The following RELT variants were observed in gnomAD, a reference collection of about 807,000 sequenced individuals.
RELT encodes the protein RELT TNF receptor.
Under a neutral mutation model 51.1 loss-of-function variants are expected in RELT, and 37 were observed. That is an observed-to-expected ratio of 0.72 (90% CI 0.56 to 0.95). The LOEUF is 0.95. RELT is among the 40% of genes least tolerant of loss of function. RELT has a pLI of 0.00. For missense variants in RELT, 535 were observed against 572.6 expected (o/e 0.93, Z 0.67); for synonymous variants, 241 against 235.7 (o/e 1.02, Z -0.21).
intron 1 of RELT, among the ~76,000 whole-genome samples, chr11:73,381,505 A>T (rs912619415): frequency 1.3e-5 from 2 of 151,914 alleles, no homozygotes; most frequent in Non-Finnish European, 2.9e-5. Context: ...CTGAAAACTG[A>T]TGGCAGGGGT....
Position 73,390,890 on chromosome 11 carries a change from C to A in RELT, c.256C>A (p.Arg86=). The A allele has an allele frequency of 6.2e-7, 1 of 1,613,390 alleles. No homozygotes were observed. The highest frequency in any genetic ancestry group is 8.5e-7 in the Non-Finnish European group (1 of 1,179,874). ...GGAGGCCCAGGTGGGCATGGCAACT[C>A]GAGATACACTCTGTGGAGACTGCTG... ...RLEAQVGMAT[R]DTLCGDCWPG... Residue 86 remains arginine (R), a synonymous_variant, in exon 4 of 11, where the codon CGA becomes AGA. Transcript: ENST00000064780.
chr11:73,391,362 A>G (rs1866212416), intron 5 of RELT, 139 bp downstream of exon 5: 1 of 753,618 alleles, frequency 1.3e-6, no homozygotes, highest in Non-Finnish European at 2.2e-6. Flanking sequence ...CGTGCAGCCA[A>G]AGGGTCTCCA....
At chr11:73,387,666 T>C (rs1009722311) in intron 1 of RELT, among the ~76,000 whole-genome samples, 12 of 152,134 alleles carry the variant, frequency 7.9e-5, no homozygotes, top group Admixed American at 2.0e-4. Context: ...CTCCCTCCCC[T>C]GAGTGTAACT....
At chr11:73,380,504 A>G (rs944912290) in intron 1 of RELT, among the ~76,000 whole-genome samples, 2 of 151,986 alleles carry the variant, frequency 1.3e-5, no homozygotes, top group African/African-American at 2.4e-5. Flanking sequence ...CTCCTTTCCA[A>G]GTTGGTATGG....
chr11:73,385,344 A>T (rs148106264), intron 1 of RELT, among the ~76,000 whole-genome samples: 1 of 152,026 alleles, frequency 6.6e-6, no homozygotes, highest in East Asian at 1.9e-4. Context: ...TCCAGGCTGC[A>T]CCTCCCTGGG....
chr11:73,395,513 A>G lies in RELT; in HGVS notation c.*22A>G. ...CTGAGGGGCGGTCTAGTCTAAGGAC[A>G]CTGCGGCCCTGCCCTGGGAGGTTCC... On this transcript the variant is annotated 3_prime_UTR_variant, in exon 11 of 11. Transcript: ENST00000064780. 2 of 783,724 alleles carry G rather than the reference A, an allele frequency of 2.6e-6. No individual in the cohort carries two copies. The highest frequency in any genetic ancestry group is 4.8e-6 in the Non-Finnish European group (2 of 420,686). The allele number at this position is 783,724 out of a possible 1,614,324, so 48.5% of individuals were successfully genotyped here.
chr11:73,389,701 G>T (rs546804312), intron 2 of RELT, among the ~76,000 whole-genome samples: 1 of 152,254 alleles, frequency 6.6e-6, no homozygotes, highest in Non-Finnish European at 1.5e-5. Flanking sequence ...CTGCTGTGAC[G>T]CTAGAAGCTC....
intron 1 of RELT, among the ~76,000 whole-genome samples, chr11:73,377,839 G>A (rs1402015229): frequency 6.6e-6 from 1 of 152,140 alleles, no homozygotes; most frequent in Non-Finnish European, 1.5e-5. Context: ...AGACTGCAGT[G>A]GGGGGTGGGG....
chr11:73,392,609 C>T (rs1473019917), intron 6 of RELT, 141 bp downstream of exon 6: 9 of 1,406,182 alleles, frequency 6.4e-6, no homozygotes, highest in African/African-American at 1.4e-5. Flanking sequence ...TGCAGACTGA[C>T]AACATGGGAG....
Position 73,392,308 on chromosome 11 carries a change from C to T in RELT, c.465C>T (p.Gly155=). The T allele has an allele frequency of 1.2e-6, 2 of 1,613,478 alleles. No individual in the cohort carries two copies. Among genetic ancestry groups the T allele is most frequent in the Middle Eastern group, 3.3e-4 (2 of 6,062 alleles). The change falls in exon 6 of 11, where the codon GGC becomes GGT. Residue 155 remains glycine (G), a synonymous_variant. Coordinates refer to ENST00000064780, the MANE Select transcript of RELT (RefSeq NM_152222.2). Reference sequence around the variant, plus strand: ...CTGGGAACGGCACCCGGGCAGGTGGCCCAGAGGAGACAGCCGCCCAGTACG... The same window carrying T: ...CTGGGAACGGCACCCGGGCAGGTGGTCCAGAGGAGACAGCCGCCCAGTACG... ...RQPGNGTRAG[G]PEETAAQYAV... is the part of the protein sequence containing the mutation.
In RELT at chr11:73,388,325, G is replaced by A. The variant is rs369228154; in HGVS notation, c.-25-787G>A. Among the ~76,000 whole-genome samples, 24 of 152,346 alleles carry A rather than the reference G, an allele frequency of 1.6e-4. No individual in the cohort carries two copies. The South Asian group carries it at 4.6e-3, about 29-fold the overall frequency. The stretch of plus-strand genomic sequence containing the variant: ...GTTCATACCGATTTCTCCAGTGCCC[G>A]CACGCAGTAGGTGCTGGAGAGATGA... On this transcript the variant is annotated intron_variant, in intron 1 of 10. Coordinates refer to ENST00000064780, the MANE Select transcript of RELT (RefSeq NM_152222.2). The surrounding 1 kb of genome is among the most constrained non-coding windows in gnomAD (Gnocchi z 4.1).
chr11:73,381,002 G>A lies in RELT; in HGVS notation c.-26+4503G>A, dbSNP rs796809579. 1.6e-4 allele frequency among the ~76,000 whole-genome samples: 25 copies of A among 152,118 alleles called. 1 individual carries two copies. Among genetic ancestry groups the A allele is most frequent in the Admixed American group, 1.5e-3 (23 of 15,254 alleles). ...CTGCCCATCCGTGGGATTATGGCCC[G>A]GGAGGCTGTCACATCCTCAGCCTTA... On this transcript the variant is annotated intron_variant, in intron 1 of 10. Coordinates refer to ENST00000064780, the MANE Select transcript of RELT (RefSeq NM_152222.2).
At chr11:73,377,567 T>G (rs1174954014) in intron 1 of RELT, among the ~76,000 whole-genome samples, 2 of 138,892 alleles carry the variant, frequency 1.4e-5, no homozygotes, top group Admixed American at 7.0e-5. Flanking sequence ...AGTCTCAGCT[T>G]CCCCCCGCCC....
rs758678729 is a variant in RELT, at chr11:73,395,506, T to G, written c.*15T>G. On this transcript the variant is annotated 3_prime_UTR_variant, in exon 11 of 11. Coordinates refer to ENST00000064780, the MANE Select transcript of RELT (RefSeq NM_152222.2). ...TGGTCATCTGAGGGGCGGTCTAGTC[T>G]AAGGACACTGCGGCCCTGCCCTGGG... 5.4e-5 allele frequency: 42 copies of G among 784,888 alleles called. No homozygotes were observed. The Admixed American group carries it at 6.4e-4, about 12-fold the overall frequency. 48.6% of individuals were successfully genotyped at this position (784,888 alleles called of 1,614,324 possible). A position where few individuals can be genotyped will look rare whatever the true frequency, so the allele number is the denominator to read the frequency against.
chr11:73,393,146 C>T, intron 6 of RELT: 1 of 999,012 alleles, frequency 1.0e-6, no homozygotes, highest in Non-Finnish European at 1.2e-6. Flanking sequence ...GCATGGGAGC[C>T]AGAGACCCTT....
Position 73,393,886 on chromosome 11 carries a change from G to C in RELT, c.675G>C (p.Gly225=). The C allele has an allele frequency of 6.2e-7, 1 of 1,613,904 alleles. No homozygotes were observed. The highest frequency in any genetic ancestry group is 8.5e-7 in the Non-Finnish European group (1 of 1,179,842). ...AGGATGCCAATGAGGACACCATTGG[G>C]GTCCTGGTGCGCTTGATCACAGAGA... ...RTEDANEDTI[G]VLVRLITEKK... is the part of the protein sequence containing the mutation. Residue 225 remains glycine (G), a synonymous_variant, in exon 7 of 11, where the codon GGG becomes GGC. Transcript: ENST00000064780.
At position 73,394,150 on chromosome 11, in the gene RELT, G is replaced by A. The variant is rs1231981314; in HGVS notation, c.707-86G>A. On this transcript the variant is annotated intron_variant, in intron 7 of 10. Coordinates refer to ENST00000064780, the MANE Select transcript of RELT (RefSeq NM_152222.2). The surrounding 1 kb of genome is among the most constrained non-coding windows in gnomAD (Gnocchi z 4.9). ...CAGGCTGGGAGTGGTGGTATGGAGGGTAGGTGGGGGGTTCTCTGCTGGGGC... is the reference window on the plus strand; with the variant it reads ...CAGGCTGGGAGTGGTGGTATGGAGGATAGGTGGGGGGTTCTCTGCTGGGGC... 5.6e-6 allele frequency: 7 copies of A among 1,246,650 alleles called. No homozygotes were observed. In the East Asian group the frequency reaches 1.5e-4, roughly 27 times the overall value. The allele number at this position is 1,246,650 out of a possible 1,614,324, so 77.2% of individuals were successfully genotyped here.
At chr11:73,377,808 C>T (rs1865994039) in intron 1 of RELT, among the ~76,000 whole-genome samples, 1 of 151,792 alleles carries the variant, frequency 6.6e-6, no homozygotes, top group African/African-American at 2.4e-5. Context: ...TGCCTGTGTT[C>T]TCCCTTCCCT....
intron 10 of RELT, 52 bp downstream of exon 10, chr11:73,395,337 A>G: frequency 2.5e-6 from 4 of 1,592,920 alleles, no homozygotes; most frequent in Non-Finnish European, 3.4e-6. Context: ...ACCCTGACCG[A>G]AGACGGGGCA....
Sources: allele counts gnomAD v4.1 joint callset (sites outside exome capture counted in the v4.1 genomes callset), GRCh38; gene constraint gnomAD v4.1.1; non-coding constraint Gnocchi (gnomAD v3.1); transcripts MANE v1.5; gene names NCBI Gene and HGNC (gene_info 2026-07-23, HGNC 2026-07-21).